The following ZNF541 variants were observed in gnomAD, a reference collection of about 807,000 sequenced individuals.
ZNF541 encodes the protein zinc finger protein 541.
ZNF541 carries 23 observed loss-of-function variants against 123.5 expected under a neutral mutation model. The observed-to-expected ratio is 0.19, with a 90% CI of 0.13 to 0.26. The LOEUF is 0.26. Ranked by LOEUF, ZNF541 falls within the 10% of genes least tolerant of loss-of-function variation. ZNF541 has a pLI of 1.00. For missense variants in ZNF541, 1,612 were observed against 1,789.9 expected (o/e 0.90, Z 1.79); for synonymous variants, 751 against 754.5 (o/e 1.00, Z 0.08).
At chr19:47,562,074 C>G (rs1971084640) in intron 2 of ZNF541, among the ~76,000 whole-genome samples, 2 of 152,090 alleles carry the variant, frequency 1.3e-5, no homozygotes, top group East Asian at 1.9e-4. Context: ...CATGGCGAAC[C>G]CCCGTCCCTA....
At position 47,532,915 on chromosome 19, in the gene ZNF541, A is replaced by G. The variant is rs537530178; in HGVS notation, c.3152T>C (p.Ile1051Thr). The change falls in exon 10 of 17, where the codon ATT becomes ACT. Residue 1051 changes from isoleucine to threonine, a missense_variant. Transcript: ENST00000391901. ...TGGAAAGGACCCAACTTACGGCTCAATGCTGATTTTGGTGTCATCCTTCAC... is the reference window on the plus strand; with the variant it reads ...TGGAAAGGACCCAACTTACGGCTCAGTGCTGATTTTGGTGTCATCCTTCAC... ...CVVKDDTKIS[I>T]EPHINIGSRF... The G allele has an allele frequency of 5.2e-5, 81 of 1,550,648 alleles. 2 individuals carry two copies. The Admixed American group carries it at 1.3e-3, about 25-fold the overall frequency.
rs1467767029 is a variant in ZNF541, at chr19:47,540,229, T to C, written c.2569A>G (p.Met857Val). 1.4e-5 allele frequency: 22 copies of C among 1,551,586 alleles called. No homozygotes were observed. The East Asian group carries it at 4.6e-4, about 33-fold the overall frequency. Residue 857 changes from methionine (M) to valine (V), a missense_variant, in exon 7 of 17, where the codon ATG becomes GTG. Transcript: ENST00000391901. The stretch of plus-strand genomic sequence containing the variant: ...GGCCACTGGTCGCTGTGAAAACACA[T>C]GTGGCTGCTCAGCCCTTTCTCCGTA... ...FYTEKGLSSH[M>V]CFHSDQWPSP...
In ZNF541 at chr19:47,544,851, T is replaced by C. The variant is rs1384313026; in HGVS notation, c.1678A>G (p.Met560Val). ...VSHEQMQVFQMITKSQRIFSH... is the reference protein window; with the variant it reads ...VSHEQMQVFQVITKSQRIFSH... ...AAGATCCGCTGGGACTTGGTGATCATCTGGAACACCTGCATCTGCTCGTGG... is the reference window on the plus strand; with the variant it reads ...AAGATCCGCTGGGACTTGGTGATCACCTGGAACACCTGCATCTGCTCGTGG... Residue 560 changes from methionine to valine, a missense_variant, in exon 5 of 17, where the codon ATG becomes GTG. Met to Val is a conservative substitution (Grantham distance 21). Coordinates refer to ENST00000391901, the MANE Select transcript of ZNF541 (RefSeq NM_001277075.3). The C allele has an allele frequency of 6.5e-7, 1 of 1,535,958 alleles. No individual in the cohort carries two copies. The highest frequency in any genetic ancestry group is 8.7e-7 in the Non-Finnish European group (1 of 1,146,694).
At chr19:47,552,911 C>A (rs867844437) in intron 3 of ZNF541, among the ~76,000 whole-genome samples, 2 of 151,446 alleles carry the variant, frequency 1.3e-5, no homozygotes, top group Non-Finnish European at 2.9e-5. Context: ...GAGTTTGAGA[C>A]CAGTCTGGCC....
Position 47,544,740 on chromosome 19 carries a change from A to G in ZNF541, c.1789T>C (p.Trp597Arg). Residue 597 changes from tryptophan to arginine, a missense_variant, in exon 5 of 17, where the codon TGG (tryptophan) becomes CGG (arginine). Transcript: ENST00000391901. ...PAALRPLQGP[W>R]PQQPPPLAPA... Reference sequence around the variant, plus strand: ...GCCAGTGGTGGGGGCTGCTGCGGCCACGGCCCCTGCAGCGGCCTCAGGGCG... The same window carrying G: ...GCCAGTGGTGGGGGCTGCTGCGGCCGCGGCCCCTGCAGCGGCCTCAGGGCG... The G allele has an allele frequency of 6.7e-7, 1 of 1,500,286 alleles. No homozygotes were observed. Among genetic ancestry groups the G allele is most frequent in the Non-Finnish European group, 8.9e-7 (1 of 1,127,214 alleles). The allele number at this position is 1,500,286 out of a possible 1,614,324, so 92.9% of individuals were successfully genotyped here.
intron 2 of ZNF541, among the ~76,000 whole-genome samples, 56 bp downstream of exon 2, chr19:47,571,840 G>A (rs1187779184): frequency 1.3e-5 from 2 of 152,112 alleles, no homozygotes; most frequent in Non-Finnish European, 2.9e-5. Flanking sequence ...GAGAAAGAAC[G>A]AGATCTATCC....
intron 3 of ZNF541, among the ~76,000 whole-genome samples, chr19:47,553,224 G>GT (rs1478019519): frequency 6.6e-6 from 1 of 152,000 alleles, no homozygotes; most frequent in African/African-American, 2.4e-5. Context: ...GGGCTCTACA[G>GT]TTTTTTAACA....
Position 47,521,006 on chromosome 19 carries a change from G to A in ZNF541, c.*218C>T, listed in dbSNP as rs1407946668. The A allele has an allele frequency of 8.7e-6, 5 of 574,150 alleles. No homozygotes were observed. The Admixed American group carries it at 1.2e-4, about 14-fold the overall frequency. 35.6% of individuals were successfully genotyped at this position (574,150 alleles called of 1,614,324 possible). On this transcript the variant is annotated 3_prime_UTR_variant, in exon 17 of 17. Coordinates refer to ENST00000391901, the MANE Select transcript of ZNF541 (RefSeq NM_001277075.3). This position sits in a 1 kb window ranked among gnomAD's most constrained non-coding sequence, Gnocchi z 4.2. ...GAGAGACTATGAACCTAAGGAGAGT[G>A]GAGCCTCCAGCACCACCGGACAGGG...
At position 47,545,668 on chromosome 19, in the gene ZNF541, G is replaced by T; in HGVS notation, c.861C>A (p.Thr287=). 6.5e-7 allele frequency: 1 copy of T among 1,549,314 alleles called. No individual in the cohort carries two copies. Reference sequence around the variant, plus strand: ...CCGCCGGGGCTGGGCCAGGAGAAGGGGTCTTCTGGTGGACGATGCTACTCA... The same window carrying T: ...CCGCCGGGGCTGGGCCAGGAGAAGGTGTCTTCTGGTGGACGATGCTACTCA... ...RIVSSIVHQK[T]PSPGPAPAGA... is the part of the protein sequence containing the mutation. Residue 287 remains threonine, a synonymous_variant, in exon 5 of 17, where the codon ACC becomes ACA. Transcript: ENST00000391901. The surrounding 1 kb of genome is among the most constrained non-coding windows in gnomAD (Gnocchi z 7.5).
At chr19:47,568,506 G>C (rs984968263) in intron 2 of ZNF541, among the ~76,000 whole-genome samples, 1 of 152,044 alleles carries the variant, frequency 6.6e-6, no homozygotes, top group Non-Finnish European at 1.5e-5. Context: ...ACCACACCTG[G>C]CTAATTTTTG....
intron 5 of ZNF541, among the ~76,000 whole-genome samples, chr19:47,543,138 G>A (rs1308787508): frequency 6.6e-6 from 1 of 151,926 alleles, no homozygotes; most frequent in Non-Finnish European, 1.5e-5. Context: ...AAATAAAATG[G>A]TGCATTATTT....
At chr19:47,528,822 G>C in intron 14 of ZNF541, 128 bp downstream of exon 14, 1 of 672,356 alleles carries the variant, frequency 1.5e-6, no homozygotes, top group South Asian at 1.8e-5. Context: ...ATTGTAAACT[G>C]TCTACAGTAA....
chr19:47,524,585 G>A (rs748040550), intron 14 of ZNF541, among the ~76,000 whole-genome samples: 4 of 151,838 alleles, frequency 2.6e-5, no homozygotes, highest in Non-Finnish European at 4.4e-5. Flanking sequence ...GCACGCACCT[G>A]TAATCCCAGC....
Position 47,544,726 on chromosome 19 carries a change from G to C in ZNF541, c.1803C>G (p.Pro601=), listed in dbSNP as rs952485608. ...AGTCCACAGCAGGAGCCAGTGGTGG[G>C]GGCTGCTGCGGCCACGGCCCCTGCA... ...RPLQGPWPQQ[P]PPLAPAVDSL... Residue 601 remains proline (P), a synonymous_variant, in exon 5 of 17, where the codon CCC becomes CCG. Transcript: ENST00000391901. 2.7e-6 allele frequency: 4 copies of C among 1,502,152 alleles called. No individual in the cohort carries two copies. Among genetic ancestry groups the C allele is most frequent in the African/African-American group, 1.4e-5 (1 of 72,172 alleles). 93.1% of individuals were successfully genotyped at this position (1,502,152 alleles called of 1,614,324 possible). A position where few individuals can be genotyped will look rare whatever the true frequency, so the allele number is the denominator to read the frequency against.
chr19:47,559,013 G>C (rs1288511668), intron 2 of ZNF541, among the ~76,000 whole-genome samples: 1 of 151,414 alleles, frequency 6.6e-6, no homozygotes, highest in Non-Finnish European at 1.5e-5. Context: ...CAAAGTGCTG[G>C]GATTACAGGC....
At position 47,522,074 on chromosome 19, in the gene ZNF541, C is replaced by T. The variant is rs1349349916; in HGVS notation, c.3571-80G>A. ...GACCTTGCCATTGGGCCGGCCGCCTCCTTTGGAAAGCCCTCCGGAAGCACC... is the reference window on the plus strand; with the variant it reads ...GACCTTGCCATTGGGCCGGCCGCCTTCTTTGGAAAGCCCTCCGGAAGCACC... On this transcript the variant is annotated intron_variant, in intron 14 of 16. Coordinates refer to ENST00000391901, the MANE Select transcript of ZNF541 (RefSeq NM_001277075.3). The T allele has an allele frequency of 1.8e-5, 27 of 1,522,556 alleles. No individual in the cohort carries two copies. In the East Asian group the frequency reaches 6.4e-4, roughly 36 times the overall value. The allele number at this position is 1,522,556 out of a possible 1,614,324, so 94.3% of individuals were successfully genotyped here.
At chr19:47,561,496 A>G (rs1971060706) in intron 2 of ZNF541, among the ~76,000 whole-genome samples, 1 of 152,010 alleles carries the variant, frequency 6.6e-6, no homozygotes, top group Admixed American at 6.6e-5. Flanking sequence ...ATAAAAAAAG[A>G]GCTTCCACAT....
At chr19:47,554,791 T>C (rs1194074261) in intron 3 of ZNF541, among the ~76,000 whole-genome samples, 1 of 152,152 alleles carries the variant, frequency 6.6e-6, no homozygotes, top group Non-Finnish European at 1.5e-5. Flanking sequence ...GAGTGTTCTG[T>C]TTCCTTTACT....
At chr19:47,555,474 G>T in intron 3 of ZNF541, 76 bp downstream of exon 3, 1 of 1,411,822 alleles carries the variant, frequency 7.1e-7, no homozygotes, top group Non-Finnish European at 9.4e-7. Flanking sequence ...ACCAATCCAT[G>T]CAGAATCAGT....
Sources: gnomAD v4.1 joint callset for allele counts (sites outside exome capture counted in the v4.1 genomes callset) on GRCh38, gnomAD v4.1.1 for gene constraint, Gnocchi (gnomAD v3.1) non-coding constraint, MANE v1.5 for transcripts, NCBI Gene and HGNC (gene_info 2026-07-23, HGNC 2026-07-21) for gene names.